Variants in EIPR1 observed in about 807,000 individuals in gnomAD.
EIPR1 encodes EARP and GARP complex-interacting protein 1.
EIPR1 carries 25 observed loss-of-function variants against 48.1 expected under a neutral mutation model. The ratio of observed to expected loss-of-function variants is 0.52; its 90% CI spans 0.38 to 0.73. The LOEUF (loss-of-function observed/expected upper bound fraction) is 0.73, where lower values mean the gene tolerates loss of function less well. EIPR1 is among the 30% of genes least tolerant of loss of function. The pLI is 0.00. For synonymous variants in EIPR1, 204 were observed against 201.9 expected, an observed-to-expected ratio of 1.01 and a Z score of -0.09; for missense variants, 415 against 506.2, an observed-to-expected ratio of 0.82 and a Z score of 1.73.
At chr2:3,297,984 A>G (rs1282438936) in intron 3 of EIPR1, among the ~76,000 whole-genome samples, 1 of 152,182 alleles carries the variant, frequency 6.6e-6, no homozygotes, top group African/African-American at 2.4e-5. Context: ...CATTCACTAC[A>G]TTCAACAAAT....
chr2:3,225,324 C>T (rs1254514024), intron 4 of EIPR1, among the ~76,000 whole-genome samples: 2 of 151,512 alleles, frequency 1.3e-5, no homozygotes, highest in African/African-American at 4.8e-5. Flanking sequence ...CAGCTCACTG[C>T]AGCCTTGACC....
At chr2:3,295,128 CCA>C (rs1668512012) in intron 3 of EIPR1, among the ~76,000 whole-genome samples, 1 of 142,412 alleles carries the variant, frequency 7.0e-6, no homozygotes, top group Non-Finnish European at 1.5e-5. Flanking sequence ...CATCCTCTCT[CCA>C]TGCACAACCT....
At chr2:3,263,109 C>G (rs79418640) in intron 3 of EIPR1, among the ~76,000 whole-genome samples, 13,866 of 152,252 alleles carry the variant, frequency 0.091, 812 homozygotes, top group Non-Finnish European at 0.13. Flanking sequence ...GGGCATAAGC[C>G]AAACATTGGC....
chr2:3,283,469 C>G (rs143786197), intron 3 of EIPR1, among the ~76,000 whole-genome samples: 1 of 152,222 alleles, frequency 6.6e-6, no homozygotes, highest in African/African-American at 2.4e-5. Context: ...CTGCTGCCTC[C>G]GCATTGCCTG....
intron 3 of EIPR1, among the ~76,000 whole-genome samples, chr2:3,257,937 C>T (rs1667212775): frequency 6.6e-6 from 1 of 152,320 alleles, no homozygotes; most frequent in South Asian, 2.1e-4. Flanking sequence ...GTTATTCTGC[C>T]TCAGTTTACC....
Position 3,288,735 on chromosome 2 carries a change from G to A in EIPR1, c.260-31280C>T, listed in dbSNP as rs563632593. On this transcript the variant is annotated intron_variant, in intron 3 of 8. Coordinates refer to ENST00000382125, the MANE Select transcript of EIPR1 (RefSeq NM_003310.5). ...CCAGGAAACACTGCTCAGCAGGCACGGTCAGACATGGCAGCATCAGATGGC... is the reference window on the plus strand; with the variant it reads ...CCAGGAAACACTGCTCAGCAGGCACAGTCAGACATGGCAGCATCAGATGGC... Among the ~76,000 whole-genome samples the A allele has an allele frequency of 1.1e-4, 17 of 152,332 alleles. No individual in the cohort carries two copies. In the South Asian group the frequency reaches 2.3e-3, roughly 20 times the overall value.
At chr2:3,339,494 C>T (rs1670165499) in intron 2 of EIPR1, among the ~76,000 whole-genome samples, 1 of 152,162 alleles carries the variant, frequency 6.6e-6, no homozygotes, top group African/African-American at 2.4e-5. Flanking sequence ...ATCTGTGTCC[C>T]GTCCAAACCT....
intron 3 of EIPR1, among the ~76,000 whole-genome samples, chr2:3,329,318 A>G (rs1669813371): frequency 1.3e-5 from 2 of 151,140 alleles, no homozygotes; most frequent in African/African-American, 4.9e-5. Context: ...GGCTCCCCTG[A>G]ATCAGAGCCC....
At chr2:3,194,241 A>T in intron 6 of EIPR1, 75 bp from the exon 7 acceptor site, 1 of 1,564,556 alleles carries the variant, frequency 6.4e-7, no homozygotes, top group East Asian at 2.3e-5. Flanking sequence ...GCGGGCACAC[A>T]CTGGTTTCCC....
chr2:3,247,825 A>G (rs1163042514), intron 4 of EIPR1, among the ~76,000 whole-genome samples: 2 of 152,236 alleles, frequency 1.3e-5, no homozygotes, highest in Non-Finnish European at 2.9e-5. Context: ...CTACTCTTGG[A>G]AAGTAAAAAT....
intron 3 of EIPR1, among the ~76,000 whole-genome samples, chr2:3,268,181 C>T (rs1173169805): frequency 1.3e-5 from 2 of 152,188 alleles, no homozygotes; most frequent in African/African-American, 2.4e-5. Context: ...AGACTGGCAC[C>T]CCAAGGCTTC....
intron 3 of EIPR1, among the ~76,000 whole-genome samples, chr2:3,299,622 TCTCACACACACACACACA>T (rs1668707838): frequency 7.1e-6 from 1 of 141,046 alleles, no homozygotes; most frequent in Non-Finnish European, 1.5e-5. Context: ...TCTCTCTCTC[TCTCACACACACACACACA>T]CACACACACA....
intron 4 of EIPR1, among the ~76,000 whole-genome samples, chr2:3,219,170 CGGCCCT>C (rs1665769322): frequency 2.7e-5 from 4 of 147,218 alleles, no homozygotes; most frequent in South Asian, 2.2e-4. Flanking sequence ...ACACCCAACA[CGGCCCT>C]GATACACTCT....
At chr2:3,372,888 G>A (rs184572122) in intron 1 of EIPR1, among the ~76,000 whole-genome samples, 5,218 of 152,188 alleles carry the variant, frequency 0.034, 103 homozygotes, top group South Asian at 0.073. Flanking sequence ...TATTAGGCCA[G>A]CATCATCCTG....
intron 3 of EIPR1, among the ~76,000 whole-genome samples, chr2:3,269,428 ACAC>A (rs1558263418): frequency 3.8e-5 from 1 of 26,506 alleles, no homozygotes; most frequent in African/African-American, 1.7e-4. Context: ...CTCAATCATC[ACAC>A]TCAATCATCA....
At chr2:3,363,119 C>T (rs4854182) in intron 1 of EIPR1, among the ~76,000 whole-genome samples, 10,679 of 152,224 alleles carry the variant, frequency 0.07, 625 homozygotes, top group Admixed American at 0.2. Context: ...GTCAGCATTC[C>T]TGCCAGCCTG....
intron 3 of EIPR1, among the ~76,000 whole-genome samples, chr2:3,260,160 A>G (rs987928193): frequency 6.6e-6 from 1 of 152,206 alleles, no homozygotes; most frequent in Admixed American, 6.5e-5. Context: ...CTTTAAAATC[A>G]AAATGAAAAA....
intron 3 of EIPR1, among the ~76,000 whole-genome samples, chr2:3,324,496 C>T (rs184297855): frequency 6.6e-6 from 1 of 152,372 alleles, no homozygotes; most frequent in East Asian, 1.9e-4. Context: ...CATACGGGCC[C>T]TGCAGCTTCG....
intron 3 of EIPR1, among the ~76,000 whole-genome samples, chr2:3,326,348 G>C: frequency 6.6e-6 from 1 of 152,154 alleles, no homozygotes. Flanking sequence ...AAGCAGCAGA[G>C]GGAAAAGCAG....
Sources: allele counts gnomAD v4.1 joint callset (sites outside exome capture counted in the v4.1 genomes callset), GRCh38; gene constraint gnomAD v4.1.1; transcripts MANE v1.5; gene names NCBI Gene and HGNC (gene_info 2026-07-23, HGNC 2026-07-21).